LDLRAD1: variants seen among roughly 807,000 people sequenced by gnomAD.
LDLRAD1 encodes low density lipoprotein receptor class A domain containing 1.
In LDLRAD1, 17 loss-of-function variants were observed where a neutral mutation model predicts 24.8. The ratio of observed to expected loss-of-function variants is 0.69; its 90% CI spans 0.47 to 1.03. The LOEUF (loss-of-function observed/expected upper bound fraction) is 1.03. Ranked by LOEUF, LDLRAD1 falls within the 50% of genes least tolerant of loss-of-function variation. LDLRAD1 has a pLI of 0.00. For missense variants in LDLRAD1, 277 were observed against 271.0 expected, an observed-to-expected ratio of 1.02 and a Z score of -0.16; for synonymous variants, 103 against 108.2, an observed-to-expected ratio of 0.95 and a Z score of 0.30.
chr1:54,008,936 T>C lies in LDLRAD1; in HGVS notation c.*46A>G. 6.4e-7 allele frequency: 1 copy of C among 1,571,004 alleles called. No individual in the cohort carries two copies. Among genetic ancestry groups the C allele is most frequent in the East Asian group, 2.3e-5 (1 of 44,028 alleles). On this transcript the variant is annotated 3_prime_UTR_variant, in exon 6 of 6. Transcript: ENST00000371360. ...GATTTGATTTTCATGTGAAGGGTTA[T>C]CAGTGCCATTCCAGCCAGCCTTCCA...
intron 2 of LDLRAD1, among the ~76,000 whole-genome samples, chr1:54,017,025 A>G (rs1171489564): frequency 6.6e-6 from 1 of 152,218 alleles, no homozygotes; most frequent in Non-Finnish European, 1.5e-5. Flanking sequence ...GTGTCACTTT[A>G]TCCATCAGAG....
chr1:54,013,396 C>G (rs191309770), intron 3 of LDLRAD1, among the ~76,000 whole-genome samples: 27 of 151,212 alleles, frequency 1.8e-4, no homozygotes, highest in Non-Finnish European at 3.5e-4. Context: ...CTATACCCAC[C>G]CTGCCTGGCT....
chr1:54,017,422 C>T lies in LDLRAD1; in HGVS notation c.27G>A (p.Glu9=). Residue 9 remains glutamate, a synonymous_variant, in exon 2 of 6, where the codon GAG becomes GAA. Transcript: ENST00000371360. The part of the protein sequence containing the change: MNKVFPQG[E]NGYTAAESKA... ...TGGATTCAGCAGCAGTGTAGCCATT[C>T]TCTCCCTGCCCAAGAGAACAGAGTG... The T allele has an allele frequency of 1.9e-6, 3 of 1,601,872 alleles. No individual in the cohort carries two copies. Among genetic ancestry groups the T allele is most frequent in the Non-Finnish European group, 1.7e-6 (2 of 1,173,496 alleles).
chr1:54,017,080 G>A (rs1046574115), intron 2 of LDLRAD1, among the ~76,000 whole-genome samples: 28 of 152,220 alleles, frequency 1.8e-4, no homozygotes, highest in African/African-American at 6.5e-4. Context: ...AGAATTTGAC[G>A]CTGGTGCTCT....
At chr1:54,011,703 C>T (rs569364234) in intron 4 of LDLRAD1, among the ~76,000 whole-genome samples, 6 of 152,292 alleles carry the variant, frequency 3.9e-5, no homozygotes, top group South Asian at 2.1e-4. Flanking sequence ...ACTGGGGCCC[C>T]GATATCAAGC....
intron 3 of LDLRAD1, 76 bp downstream of exon 3, chr1:54,014,160 G>C: frequency 6.6e-7 from 1 of 1,514,284 alleles, no homozygotes; most frequent in Non-Finnish European, 8.9e-7. Context: ...CAGGCAGGTC[G>C]GGGCTCCCTC....
rs1337395681 is a variant in LDLRAD1, at chr1:54,007,463, T to A, written c.*1519A>T. On this transcript the variant is annotated 3_prime_UTR_variant, in exon 6 of 6. Coordinates refer to ENST00000371360, the MANE Select transcript of LDLRAD1 (RefSeq NM_001010978.4). ...ATTTTATTTTTATTAAAAAGAAATT[T>A]TTTGAGACAGGGTTTGTTGCCCAGG... The A allele has an allele frequency of 6.6e-6, 1 of 152,158 alleles. No individual in the cohort carries two copies. Among genetic ancestry groups the A allele is most frequent in the Admixed American group, 6.5e-5 (1 of 15,274 alleles). The allele number at this position is 152,158 out of a possible 1,614,324, so 9.4% of individuals were successfully genotyped here. A position where few individuals can be genotyped will look rare whatever the true frequency, so the allele number is the denominator to read the frequency against.
At position 54,010,386 on chromosome 1, in the gene LDLRAD1, TG is replaced by T. The variant is rs775788835; in HGVS notation, c.364del (p.His122ThrfsTer33). ...LCRDVPQSLP[H>X]FLVAHCGDPA... ...GTCTCCACAGTGGGCCACAAGGAAG[TG>T]GGGGAGGCTCTGGGGCACATCTCCT... On this transcript the variant is annotated frameshift_variant, in exon 5 of 6. Coordinates refer to ENST00000371360, the MANE Select transcript of LDLRAD1 (RefSeq NM_001010978.4). LOFTEE classifies it high-confidence loss of function. 6.2e-7 allele frequency: 1 copy of T among 1,613,750 alleles called. No individual in the cohort carries two copies. Among genetic ancestry groups the T allele is most frequent in the Non-Finnish European group, 8.5e-7 (1 of 1,179,922 alleles).
intron 4 of LDLRAD1, 81 bp downstream of exon 4, chr1:54,012,062 C>T: frequency 6.5e-7 from 1 of 1,537,934 alleles, no homozygotes; most frequent in South Asian, 1.1e-5. Flanking sequence ...CTTGAAGGTG[C>T]CTGATGTGTT....
Position 54,008,425 on chromosome 1 carries a change from G to A in LDLRAD1, c.*557C>T, listed in dbSNP as rs1183665124. 6.5e-6 allele frequency: 1 copy of A among 152,686 alleles called. No individual in the cohort carries two copies. Among genetic ancestry groups the A allele is most frequent in the Admixed American group, 6.5e-5 (1 of 15,348 alleles). The allele number at this position is 152,686 out of a possible 1,614,324, so 9.5% of individuals were successfully genotyped here. On this transcript the variant is annotated 3_prime_UTR_variant, in exon 6 of 6. Transcript: ENST00000371360. ...AGCCCCAGACATGTCATCACTCTAA[G>A]GGATGACGAGATTAGGATCCACAAG... is the stretch of plus-strand genomic sequence containing the variant.
intron 3 of LDLRAD1, among the ~76,000 whole-genome samples, chr1:54,012,870 A>G (rs1030975068): frequency 6.6e-6 from 1 of 152,122 alleles, no homozygotes; most frequent in Non-Finnish European, 1.5e-5. Flanking sequence ...GAAAAGGAAT[A>G]CCCACTCCTA....
In LDLRAD1 at chr1:54,018,068, C is replaced by A. The variant is rs1325266597; in HGVS notation, c.21+24G>T. The A allele has an allele frequency of 1.2e-5, 20 of 1,602,554 alleles. No homozygotes were observed. In the Middle Eastern group the frequency reaches 1.5e-3, roughly 120 times the overall value. ...GGGGACAGCTCTTACTTGGAGACAA[C>A]TCTCACCTGGGGACAGCTCTCACCT... is the stretch of plus-strand genomic sequence containing the variant. On this transcript the variant is annotated intron_variant, in intron 1 of 5. Transcript: ENST00000371360.
intron 4 of LDLRAD1, among the ~76,000 whole-genome samples, 178 bp from the exon 5 acceptor site, chr1:54,010,588 G>C (rs914265262): frequency 2.6e-5 from 4 of 151,936 alleles, no homozygotes; most frequent in African/African-American, 9.7e-5. Context: ...AGGGAGAGGA[G>C]AGCTCCGTTG....
intron 5 of LDLRAD1, 81 bp downstream of exon 5, chr1:54,010,201 C>CT (rs1655986135): frequency 6.6e-7 from 1 of 1,523,416 alleles, no homozygotes; most frequent in Non-Finnish European, 9.0e-7. Flanking sequence ...AGGGGGAGCC[C>CT]TAGAGATTCC....
rs1656095050 is a variant in LDLRAD1 at position 54,012,300 on chromosome 1, C to T, written c.203-20G>A. ...GGGCTCCTGAATGGGCAGGGAAAGG[C>T]CCTGGAGGGTCAAGGGTGGTGCTCA... On this transcript the variant is annotated intron_variant, in intron 3 of 5. Transcript: ENST00000371360. 3.7e-6 allele frequency: 6 copies of T among 1,613,682 alleles called. No homozygotes were observed. The highest frequency in any genetic ancestry group is 5.1e-6 in the Non-Finnish European group (6 of 1,179,842).
Position 54,012,521 on chromosome 1 carries a change from C to T in LDLRAD1, c.203-241G>A, listed in dbSNP as rs143134478. Among the ~76,000 whole-genome samples the T allele has an allele frequency of 5.7e-3, 865 of 152,296 alleles. 10 individuals are homozygous for T. The highest frequency in any genetic ancestry group is 0.02 in the African/African-American group (815 of 41,548). On this transcript the variant is annotated intron_variant, in intron 3 of 5. Coordinates refer to ENST00000371360, the MANE Select transcript of LDLRAD1 (RefSeq NM_001010978.4). ...CAACATGGGAATCATAGCACACACC[C>T]CGTGGGACTGTTGTGGGGATTAAAT...
chr1:54,012,268 C>G lies in LDLRAD1; in HGVS notation c.215G>C (p.Cys72Ser). The change falls in exon 4 of 6, where the codon TGT (cysteine) becomes TCT (serine). Residue 72 changes from cysteine to serine, a missense_variant. Coordinates refer to ENST00000371360, the MANE Select transcript of LDLRAD1 (RefSeq NM_001010978.4). The part of the protein sequence containing the change: ...LPSCTPGAQA[C>S]ITLTNRTGFL... ...GCCTGTCCTGTTTGTCAGTGTTATA[C>G]AAGCTTGGGCTCCTGAATGGGCAGG... The G allele has an allele frequency of 6.2e-7, 1 of 1,614,106 alleles. No homozygotes were observed. The highest frequency in any genetic ancestry group is 1.7e-4 in the Middle Eastern group (1 of 6,060).
chr1:54,015,134 C>A (rs1002037552), intron 2 of LDLRAD1, among the ~76,000 whole-genome samples: 1 of 152,138 alleles, frequency 6.6e-6, no homozygotes, highest in African/African-American at 2.4e-5. Context: ...GAGATAGGGT[C>A]TGGCTCTGTT....
intron 2 of LDLRAD1, among the ~76,000 whole-genome samples, chr1:54,016,050 A>G (rs1209571153): frequency 1.3e-5 from 2 of 152,116 alleles, no homozygotes; most frequent in Non-Finnish European, 2.9e-5. Context: ...TTTCCAATCC[A>G]TTCACATTTC....
Sources: allele counts gnomAD v4.1 joint callset (sites outside exome capture counted in the v4.1 genomes callset), GRCh38; gene constraint gnomAD v4.1.1; transcripts MANE v1.5; gene names NCBI Gene and HGNC (gene_info 2026-07-23, HGNC 2026-07-21).